The following NBEA variants were observed in gnomAD, a reference collection of about 807,000 sequenced individuals.
NBEA encodes the protein lysosomal-trafficking regulator 2.
In NBEA, 44 loss-of-function variants were observed where a neutral mutation model predicts 343.4. The observed-to-expected ratio is 0.13, with a 90% CI of 0.10 to 0.16. NBEA has a LOEUF of 0.16. NBEA is among the 10% of genes least tolerant of loss of function. The pLI is 1.00. For missense variants in NBEA, 2,555 were observed against 3,631.3 expected, an observed-to-expected ratio of 0.70 and a Z score of 7.62; for synonymous variants, 1,175 against 1,238.7, an observed-to-expected ratio of 0.95 and a Z score of 1.08.
At chr13:35,243,333 G>A (rs2030640916) in intron 34 of NBEA, among the ~76,000 whole-genome samples, 1 of 151,780 alleles carries the variant, frequency 6.6e-6, no homozygotes, top group African/African-American at 2.4e-5. Flanking sequence ...ACACACAAAG[G>A]AGGGAAGTAC....
intron 10 of NBEA, among the ~76,000 whole-genome samples, chr13:35,079,805 T>A (rs1288733600): frequency 2.0e-5 from 3 of 152,278 alleles, no homozygotes; most frequent in East Asian, 1.9e-4. Flanking sequence ...CACTCACTAC[T>A]AAGCTATTCC....
chr13:35,138,295 T>A (rs74048914), intron 17 of NBEA, among the ~76,000 whole-genome samples: 4,283 of 152,156 alleles, frequency 0.028, 91 homozygotes, highest in South Asian at 0.074. Context: ...TCATAAAAAT[T>A]AAAATATAAA....
At chr13:35,377,617 T>C (rs1329837334) in intron 38 of NBEA, among the ~76,000 whole-genome samples, 1 of 152,210 alleles carries the variant, frequency 6.6e-6, no homozygotes, top group Non-Finnish European at 1.5e-5. Context: ...AGCCTCTAGC[T>C]CAGATCTCAG....
chr13:35,532,092 T>A (rs1015838088), intron 41 of NBEA, among the ~76,000 whole-genome samples: 48 of 152,338 alleles, frequency 3.2e-4, no homozygotes, highest in African/African-American at 1.0e-3. Context: ...TCAGCTATTA[T>A]ATATTAAACT....
At chr13:35,156,802 G>T (rs920354116) in intron 20 of NBEA, among the ~76,000 whole-genome samples, 2 of 152,128 alleles carry the variant, frequency 1.3e-5, no homozygotes, top group African/African-American at 4.8e-5. Flanking sequence ...TAAGTACATT[G>T]TGAGTGCTAA....
At chr13:35,259,022 G>A (rs572390736) in intron 34 of NBEA, among the ~76,000 whole-genome samples, 15 of 152,254 alleles carry the variant, frequency 9.9e-5, no homozygotes, top group Admixed American at 2.6e-4. Flanking sequence ...CTTAAGATGC[G>A]TTCAACTTAC....
In NBEA at chr13:35,162,956, C is replaced by T. The variant is rs1040295289; in HGVS notation, c.4079+989C>T. Among the ~76,000 whole-genome samples, 4 of 152,034 alleles carry T rather than the reference C, an allele frequency of 2.6e-5. No individual in the cohort carries two copies. The East Asian group carries it at 7.7e-4, about 29-fold the overall frequency. On this transcript the variant is annotated intron_variant, in intron 23 of 58. Coordinates refer to ENST00000379939, the MANE Select transcript of NBEA (RefSeq NM_001385012.1). ...TTAGACTACTCATATACTTTCATTG[C>T]TAATTGTTATATGATAAATTACCTA...
intron 44 of NBEA, among the ~76,000 whole-genome samples, chr13:35,555,759 T>A (rs1393603169): frequency 6.6e-6 from 1 of 152,070 alleles, no homozygotes; most frequent in African/African-American, 2.4e-5. Context: ...AAGAGTTTAC[T>A]TCTATAAACC....
intron 36 of NBEA, among the ~76,000 whole-genome samples, chr13:35,342,929 A>G (rs2039668506): frequency 6.6e-6 from 1 of 152,060 alleles, no homozygotes; most frequent in East Asian, 1.9e-4. Flanking sequence ...ATCAATAAGC[A>G]CAATAAATAT....
Position 35,154,441 on chromosome 13 carries a change from T to TTAAA in NBEA, c.2446-1331_2446-1328dup, listed in dbSNP as rs560244624. Among the ~76,000 whole-genome samples the TTAAA allele has an allele frequency of 2.4e-3, 364 of 152,316 alleles. 4 individuals carry two copies. Among genetic ancestry groups the TTAAA allele is most frequent in the Admixed American group, 0.019 (284 of 15,288 alleles). On this transcript the variant is annotated intron_variant, in intron 18 of 58. Transcript: ENST00000379939. ...TGCCATGTTAAAGCTAAACAGGAAATTAAATCACAGATATAAAATGATGTC... is the reference window on the plus strand; with the variant it reads ...TGCCATGTTAAAGCTAAACAGGAAATTAAATAAATCACAGATATAAAATGATGTC...
At chr13:35,341,093 A>G (rs2039558378) in intron 36 of NBEA, among the ~76,000 whole-genome samples, 1 of 152,076 alleles carries the variant, frequency 6.6e-6, no homozygotes, top group African/African-American at 2.4e-5. Context: ...CCATATACTT[A>G]TGGTCAATTT....
At chr13:35,536,945 C>T (rs921834073) in intron 41 of NBEA, among the ~76,000 whole-genome samples, 1 of 152,106 alleles carries the variant, frequency 6.6e-6, no homozygotes, top group African/African-American at 2.4e-5. Context: ...TGGAACTGGC[C>T]AGGGGGTCAG....
At chr13:35,227,327 G>A (rs7325576) in intron 33 of NBEA, among the ~76,000 whole-genome samples, 14,629 of 151,928 alleles carry the variant, frequency 0.096, 805 homozygotes, top group African/African-American at 0.14. Context: ...CAGTATTTGA[G>A]TTGTGTCAAT....
chr13:35,164,255 T>C, intron 23 of NBEA, 101 bp from the exon 24 acceptor site: 1 of 963,028 alleles, frequency 1.0e-6, no homozygotes, highest in Non-Finnish European at 1.5e-6. Flanking sequence ...TAAATATAGC[T>C]AGCTCCTACA....
chr13:35,005,808 G>C (rs1330853672), intron 1 of NBEA, among the ~76,000 whole-genome samples: 1 of 152,180 alleles, frequency 6.6e-6, no homozygotes, highest in Non-Finnish European at 1.5e-5. Context: ...AAAAGACAGA[G>C]ATTAGAAAAG....
intron 34 of NBEA, among the ~76,000 whole-genome samples, chr13:35,266,125 A>G: frequency 6.6e-6 from 1 of 151,942 alleles, no homozygotes; most frequent in East Asian, 1.9e-4. Flanking sequence ...AGAAAAATGC[A>G]AATTAAAACC....
chr13:35,374,330 A>AC (rs1401939496), intron 38 of NBEA, among the ~76,000 whole-genome samples: 1 of 152,184 alleles, frequency 6.6e-6, no homozygotes, highest in Non-Finnish European at 1.5e-5. Flanking sequence ...CATTCATGGC[A>AC]CCCCAAAACA....
intron 1 of NBEA, among the ~76,000 whole-genome samples, chr13:34,950,815 ATGG>A (rs975119877): frequency 9.2e-5 from 14 of 152,248 alleles, no homozygotes; most frequent in African/African-American, 3.4e-4. Flanking sequence ...CCAGCTGGTC[ATGG>A]TGGCTCATGC....
chr13:35,626,870 G>A (rs777511110), intron 48 of NBEA, among the ~76,000 whole-genome samples: 11 of 152,054 alleles, frequency 7.2e-5, no homozygotes, highest in Non-Finnish European at 1.5e-4. Flanking sequence ...TATGGAAACT[G>A]TTCTTTCATA....
Sources: gnomAD v4.1 joint callset for allele counts (sites outside exome capture counted in the v4.1 genomes callset) on GRCh38, gnomAD v4.1.1 for gene constraint, MANE v1.5 for transcripts, NCBI Gene and HGNC (gene_info 2026-07-23, HGNC 2026-07-21) for gene names.